Variants in CCDC178 observed in about 807,000 individuals in gnomAD.
CCDC178 encodes coiled-coil domain-containing protein 178.
A neutral mutation model predicts 117.4 loss-of-function variants in CCDC178; 126 were observed. The observed-to-expected ratio is 1.07, with a 90% confidence interval of 0.93 to 1.24. CCDC178 has a LOEUF of 1.24. Ranked by LOEUF, CCDC178 falls within the 50% of genes most tolerant of loss-of-function variation. The pLI, the probability that CCDC178 is intolerant of heterozygous loss-of-function variation, is 0.00. For synonymous variants in CCDC178, 283 were observed against 313.4 expected (o/e 0.90, Z 1.02); for missense variants, 1,030 against 986.9 (o/e 1.04, Z -0.59).
chr18:33,137,446 C>T (rs2058142873), intron 20 of CCDC178, among the ~76,000 whole-genome samples: 1 of 152,072 alleles, frequency 6.6e-6, no homozygotes, highest in African/African-American at 2.4e-5. Context: ...TGTATTTACA[C>T]CATTATAAAT....
chr18:33,208,947 T>TAAATTACAG (rs2059076923), intron 20 of CCDC178, among the ~76,000 whole-genome samples: 2 of 152,072 alleles, frequency 1.3e-5, no homozygotes, highest in South Asian at 4.1e-4. Context: ...TCTCATAAGC[T>TAAATTACAG]AAATTACAGA....
At chr18:33,223,291 T>C in intron 17 of CCDC178, 72 bp from the exon 18 acceptor site, 1 of 1,420,340 alleles carries the variant, frequency 7.0e-7, no homozygotes, top group Non-Finnish European at 9.3e-7. Flanking sequence ...CAAATCGTAC[T>C]TAAGTGACTA....
intron 21 of CCDC178, among the ~76,000 whole-genome samples, chr18:33,073,115 G>A (rs2057138876): frequency 1.3e-5 from 2 of 150,520 alleles, no homozygotes; most frequent in Non-Finnish European, 3.0e-5. Context: ...TCTTTTTTGT[G>A]ACATAAAATG....
chr18:33,238,438 C>A (rs1310437437), intron 15 of CCDC178, among the ~76,000 whole-genome samples: 1 of 151,684 alleles, frequency 6.6e-6, no homozygotes, highest in African/African-American at 2.4e-5. Flanking sequence ...ATAAATACAA[C>A]AAAGATATAG....
intron 7 of CCDC178, among the ~76,000 whole-genome samples, chr18:33,355,708 C>T (rs2063045200): frequency 6.6e-6 from 1 of 152,200 alleles, no homozygotes; most frequent in African/African-American, 2.4e-5. Flanking sequence ...TCTATAGCCT[C>T]AGGCTGCTAT....
chr18:32,979,053 G>GA (rs564573777), intron 21 of CCDC178, among the ~76,000 whole-genome samples: 16 of 147,604 alleles, frequency 1.1e-4, no homozygotes, highest in Non-Finnish European at 2.4e-4. Flanking sequence ...AAAAAAGAGA[G>GA]AAAAAAAAAG....
intron 20 of CCDC178, among the ~76,000 whole-genome samples, chr18:33,204,913 A>G (rs2059031441): frequency 6.6e-6 from 1 of 152,276 alleles, no homozygotes; most frequent in Non-Finnish European, 1.5e-5. Context: ...AGAAAGCCAT[A>G]ATTCTTAGCA....
intron 21 of CCDC178, among the ~76,000 whole-genome samples, chr18:33,059,766 A>C (rs2056892644): frequency 6.6e-6 from 1 of 152,172 alleles, no homozygotes; most frequent in South Asian, 2.1e-4. Flanking sequence ...CAAATCTTGC[A>C]GGTCCATCGA....
At chr18:33,286,701 T>C (rs1383800832) in intron 12 of CCDC178, among the ~76,000 whole-genome samples, 2 of 152,162 alleles carry the variant, frequency 1.3e-5, no homozygotes. Flanking sequence ...AATCCACTTA[T>C]ATGCAACATT....
chr18:33,288,545 G>A (rs1006281612), intron 12 of CCDC178, among the ~76,000 whole-genome samples: 1 of 150,858 alleles, frequency 6.6e-6, no homozygotes, highest in Non-Finnish European at 1.5e-5. Flanking sequence ...ACATGGGAAA[G>A]GCATTGGATA....
chr18:33,370,396 T>C (rs966481376), intron 5 of CCDC178, among the ~76,000 whole-genome samples: 1 of 151,822 alleles, frequency 6.6e-6, no homozygotes, highest in African/African-American at 2.4e-5. Context: ...GATTTAATTC[T>C]GTAACAAATA....
chr18:33,075,470 C>G (rs1448457830), intron 21 of CCDC178, among the ~76,000 whole-genome samples: 1 of 152,034 alleles, frequency 6.6e-6, no homozygotes, highest in Non-Finnish European at 1.5e-5. Context: ...AAACTCAATT[C>G]TCTACAATGT....
chr18:33,112,441 A>T (rs1223900221), intron 20 of CCDC178, among the ~76,000 whole-genome samples: 1 of 151,942 alleles, frequency 6.6e-6, no homozygotes, highest in Non-Finnish European at 1.5e-5. Context: ...ATTTAAGCCT[A>T]CTAGCCATAT....
At chr18:33,184,447 G>T (rs271444) in intron 20 of CCDC178, among the ~76,000 whole-genome samples, 24,476 of 151,778 alleles carry the variant, frequency 0.16, 2,751 homozygotes, top group African/African-American at 0.32. Context: ...AATAGTTCTT[G>T]GCAAGCAGTG....
intron 20 of CCDC178, among the ~76,000 whole-genome samples, chr18:33,169,271 C>T (rs1009365425): frequency 2.6e-5 from 4 of 152,188 alleles, no homozygotes; most frequent in African/African-American, 9.7e-5. Context: ...TTTAACAATT[C>T]ATTCCTCTTA....
At chr18:32,957,766 C>G (rs1568180638) in intron 22 of CCDC178, 1 of 152,432 alleles carries the variant, frequency 6.6e-6, no homozygotes, top group Non-Finnish European at 1.5e-5. Flanking sequence ...ATTTGATTCT[C>G]TGCAGGTGGC....
At chr18:33,164,844 T>A (rs938331372) in intron 20 of CCDC178, among the ~76,000 whole-genome samples, 6 of 152,180 alleles carry the variant, frequency 3.9e-5, no homozygotes, top group African/African-American at 7.2e-5. Context: ...CAGCAAGAGG[T>A]AGTTTTTGAA....
chr18:33,153,202 G>T (rs1244755254), intron 20 of CCDC178, among the ~76,000 whole-genome samples: 3 of 149,138 alleles, frequency 2.0e-5, no homozygotes, highest in African/African-American at 7.3e-5. Flanking sequence ...AGTAAGAAAT[G>T]CCAAGAGTGT....
intron 20 of CCDC178, among the ~76,000 whole-genome samples, chr18:33,195,412 C>T (rs1836867083): frequency 2.0e-5 from 3 of 152,006 alleles, no homozygotes; most frequent in Non-Finnish European, 2.9e-5. Context: ...ACCCTGGTTA[C>T]CTGAGAGAAA....
Sources: gnomAD v4.1 joint callset for allele counts (sites outside exome capture counted in the v4.1 genomes callset) on GRCh38, gnomAD v4.1.1 for gene constraint, MANE v1.5 for transcripts, NCBI Gene and HGNC (gene_info 2026-07-23, HGNC 2026-07-21) for gene names.